Variants in GRID2 observed in about 807,000 individuals in gnomAD.
GRID2 encodes glutamate ionotropic receptor delta type subunit 2, also known as glutamate receptor ionotropic, delta-2.
Under a neutral mutation model 114.8 loss-of-function variants are expected in GRID2, and 33 were observed. The observed-to-expected ratio is 0.29, with a 90% CI of 0.22 to 0.38. The LOEUF (loss-of-function observed/expected upper bound fraction) is 0.38. GRID2 is among the 10% of genes least tolerant of loss of function. GRID2 has a pLI of 1.00. For synonymous variants in GRID2, 505 were observed against 449.9 expected (o/e 1.12, Z -1.55); for missense variants, 1,184 against 1,257.7 (o/e 0.94, Z 0.89).
At chr4:93,218,146 G>T (rs1744453287) in intron 6 of GRID2, among the ~76,000 whole-genome samples, 1 of 151,850 alleles carries the variant, frequency 6.6e-6, no homozygotes, top group South Asian at 2.1e-4. Flanking sequence ...ACGTGGACTG[G>T]CTCCAGGATC....
chr4:93,772,617 CA>C lies in GRID2; in HGVS notation c.*121del. Reference sequence around the variant, plus strand: ...AAAAAAAGATCAGGATTATTAGTAACAATTCTAGTTTTTTCCTCCCACCTTC... The same window carrying C: ...AAAAAAAGATCAGGATTATTAGTAACATTCTAGTTTTTTCCTCCCACCTTC... On this transcript the variant is annotated 3_prime_UTR_variant, in exon 16 of 16. Transcript: ENST00000282020. 1.4e-6 allele frequency: 1 copy of C among 719,112 alleles called. No individual in the cohort carries two copies. The highest frequency in any genetic ancestry group is 2.2e-6 in the Non-Finnish European group (1 of 450,976). The allele number at this position is 719,112 out of a possible 1,614,324, so 44.5% of individuals were successfully genotyped here. A position where few individuals can be genotyped will look rare whatever the true frequency, so the allele number is the denominator to read the frequency against.
intron 1 of GRID2, 141 bp from the exon 2 acceptor site, chr4:92,589,990 A>T: frequency 1.7e-6 from 1 of 605,130 alleles, no homozygotes; most frequent in Non-Finnish European, 2.9e-6. Flanking sequence ...TTCCAGTACA[A>T]TGTGTTTCAT....
At chr4:93,418,008 T>A (rs1218282796) in intron 9 of GRID2, among the ~76,000 whole-genome samples, 1 of 149,946 alleles carries the variant, frequency 6.7e-6, no homozygotes, top group Non-Finnish European at 1.5e-5. Flanking sequence ...TGCATATTCA[T>A]ACTAGATAAA....
At chr4:92,408,378 A>G (rs1016978977) in intron 1 of GRID2, among the ~76,000 whole-genome samples, 7 of 127,612 alleles carry the variant, frequency 5.5e-5, no homozygotes, top group Admixed American at 8.4e-5. Flanking sequence ...AGGCAATGTG[A>G]TGCCTTTGGC....
chr4:92,792,580 G>A (rs1739647676), intron 2 of GRID2, among the ~76,000 whole-genome samples: 1 of 151,460 alleles, frequency 6.6e-6, no homozygotes. Context: ...GGAAGAGGAA[G>A]AATCCTTGGC....
intron 2 of GRID2, among the ~76,000 whole-genome samples, chr4:92,676,532 G>A (rs1461152768): frequency 6.6e-6 from 1 of 151,704 alleles, no homozygotes; most frequent in Admixed American, 6.6e-5. Context: ...TTTATTTGTT[G>A]GTTTTATTTG....
intron 1 of GRID2, among the ~76,000 whole-genome samples, chr4:92,386,504 A>C (rs1729966859): frequency 6.6e-6 from 1 of 151,834 alleles, no homozygotes; most frequent in Admixed American, 6.6e-5. Context: ...AATTAATTTT[A>C]ATAAGTAGCA....
intron 8 of GRID2, among the ~76,000 whole-genome samples, chr4:93,323,426 A>G (rs992291620): frequency 2.0e-5 from 3 of 152,182 alleles, no homozygotes; most frequent in Non-Finnish European, 4.4e-5. Flanking sequence ...TGGTACCAGT[A>G]CCATGCTGTT....
chr4:93,282,886 G>A (rs1184909743), intron 8 of GRID2, among the ~76,000 whole-genome samples: 1 of 151,950 alleles, frequency 6.6e-6, no homozygotes, highest in African/African-American at 2.4e-5. Flanking sequence ...AACAAGAGGG[G>A]AAGCAAGAGT....
At chr4:93,598,935 A>C (rs1255815823) in intron 13 of GRID2, among the ~76,000 whole-genome samples, 3 of 152,256 alleles carry the variant, frequency 2.0e-5, no homozygotes, top group Non-Finnish European at 4.4e-5. Context: ...GGCATAGAAC[A>C]AAACCCACTC....
At chr4:92,602,992 AGG>A (rs779298440) in intron 2 of GRID2, among the ~76,000 whole-genome samples, 6 of 152,188 alleles carry the variant, frequency 3.9e-5, no homozygotes, top group Non-Finnish European at 8.8e-5. Context: ...ACAGCTAGCA[AGG>A]GAAGTGAAGG....
At position 93,412,230 on chromosome 4, in the gene GRID2, C is replaced by A. The variant is rs903788273; in HGVS notation, c.1348-10541C>A. On this transcript the variant is annotated intron_variant, in intron 9 of 15. Transcript: ENST00000282020. ...GCCTGGGCAGCATAGTAAGACCCAT[C>A]CCCCCCCCCCAAAAAAAAATACCAG... is the stretch of plus-strand genomic sequence containing the variant. Among the ~76,000 whole-genome samples, 11 of 117,676 alleles carry A rather than the reference C, an allele frequency of 9.3e-5. No homozygotes were observed. In the East Asian group the frequency reaches 2.0e-3, roughly 21 times the overall value. The allele number at this position is 117,676 out of a possible 152,430, so 77.2% of individuals were successfully genotyped here. A position where few individuals can be genotyped will look rare whatever the true frequency, so the allele number is the denominator to read the frequency against.
intron 8 of GRID2, among the ~76,000 whole-genome samples, chr4:93,328,275 TG>T (rs1388224039): frequency 3.9e-3 from 227 of 58,054 alleles, no homozygotes; most frequent in African/African-American, 0.013. Flanking sequence ...GATCTGCCCC[TG>T]TTTATCTCTG....
chr4:93,051,460 G>A (rs1726703143), intron 2 of GRID2, among the ~76,000 whole-genome samples: 1 of 151,956 alleles, frequency 6.6e-6, no homozygotes, highest in Non-Finnish European at 1.5e-5. Context: ...CTAGACAATG[G>A]CTCTTTTTTT....
At chr4:92,632,642 AAAGAAAGGAAAGGAAGGGAAGAAGTG>A (rs139452942) in intron 2 of GRID2, among the ~76,000 whole-genome samples, 29 of 151,110 alleles carry the variant, frequency 1.9e-4, no homozygotes, top group African/African-American at 5.7e-4. Context: ...GAAAGAAAGA[AAAGAAAGGAAAGGAAGGGAAGAAGTG>A]AAGAAAGGAA....
At chr4:92,981,201 CTA>C (rs771968183) in intron 2 of GRID2, among the ~76,000 whole-genome samples, 63 of 151,636 alleles carry the variant, frequency 4.2e-4, no homozygotes, top group Non-Finnish European at 1.5e-4. Context: ...TGAATTATAC[CTA>C]TATATATGTG....
At chr4:93,528,504 A>G (rs186485091) in intron 13 of GRID2, among the ~76,000 whole-genome samples, 21 of 151,988 alleles carry the variant, frequency 1.4e-4, no homozygotes, top group African/African-American at 5.1e-4. Context: ...AATCATGTAA[A>G]TCTAAATTCT....
chr4:93,259,035 G>T (rs768428278), intron 8 of GRID2: 2 of 391,706 alleles, frequency 5.1e-6, no homozygotes, highest in Non-Finnish European at 1.0e-5. Flanking sequence ...AGGGAAAAAA[G>T]ATTAAAGAAA....
intron 8 of GRID2, among the ~76,000 whole-genome samples, chr4:93,348,232 T>C (rs1760436948): frequency 1.3e-5 from 2 of 152,142 alleles, no homozygotes; most frequent in Admixed American, 6.6e-5. Context: ...TAACACAAGG[T>C]CAAACTATGC....
Sources: gnomAD v4.1 joint callset for allele counts (sites outside exome capture counted in the v4.1 genomes callset) on GRCh38, gnomAD v4.1.1 for gene constraint, MANE v1.5 for transcripts, NCBI Gene and HGNC (gene_info 2026-07-23, HGNC 2026-07-21) for gene names.